Variants in FKTN observed in about 807,000 individuals in gnomAD.
FKTN encodes the protein ribitol-5-phosphate transferase FKTN.
FKTN carries 47 observed loss-of-function variants against 58.6 expected under a neutral mutation model. That is an observed-to-expected ratio of 0.80 (90% CI 0.63 to 1.02). The LOEUF (loss-of-function observed/expected upper bound fraction) is 1.02, where lower values mean the gene tolerates loss of function less well. FKTN is among the 50% of genes least tolerant of loss of function. The pLI is 0.00. For synonymous variants in FKTN, 178 were observed against 191.9 expected (o/e 0.93, Z 0.60); for missense variants, 516 against 537.3 (o/e 0.96, Z 0.39).
intron 10 of FKTN, among the ~76,000 whole-genome samples, chr9:105,630,687 T>C (rs969529319): frequency 1.3e-5 from 2 of 152,232 alleles, no homozygotes; most frequent in Non-Finnish European, 2.9e-5. Flanking sequence ...TAGAATTTTG[T>C]AGTGTGTACA....
intron 7 of FKTN, among the ~76,000 whole-genome samples, chr9:105,610,142 A>T: frequency 6.6e-6 from 1 of 151,506 alleles, no homozygotes; most frequent in East Asian, 1.9e-4. Context: ...ACACTTTAGT[A>T]CTTTTTGGCA....
At chr9:105,568,543 C>T (rs1160197495) in intron 1 of FKTN, among the ~76,000 whole-genome samples, 2 of 152,206 alleles carry the variant, frequency 1.3e-5, no homozygotes, top group Non-Finnish European at 2.9e-5. Flanking sequence ...AAAAAATGCT[C>T]ATCATCACTG....
At chr9:105,617,838 T>G (rs1265169018) in intron 8 of FKTN, 121 bp from the exon 9 acceptor site, 14 of 669,406 alleles carry the variant, frequency 2.1e-5, no homozygotes, top group East Asian at 2.8e-5. Context: ...CTGGGCAATA[T>G]AGTGAGACTC....
intron 7 of FKTN, among the ~76,000 whole-genome samples, chr9:105,609,688 G>A (rs1381584787): frequency 1.3e-4 from 20 of 152,124 alleles, no homozygotes; most frequent in Admixed American, 1.3e-3. Context: ...TTTGGGGTTT[G>A]TCCGGGGGTT....
intron 6 of FKTN, 78 bp downstream of exon 6, chr9:105,604,570 T>A: frequency 8.8e-7 from 1 of 1,131,810 alleles, no homozygotes; most frequent in Non-Finnish European, 1.3e-6. Flanking sequence ...TACATTTGAG[T>A]ATTGAAATCT....
chr9:105,561,621 A>G (rs540896981), intron 1 of FKTN, among the ~76,000 whole-genome samples: 2 of 152,334 alleles, frequency 1.3e-5, no homozygotes, highest in Admixed American at 1.3e-4. Context: ...CTATGTATTT[A>G]TGATTTTTCT....
chr9:105,578,542 CT>C (rs1328920342), intron 3 of FKTN, among the ~76,000 whole-genome samples: 1 of 146,614 alleles, frequency 6.8e-6, no homozygotes, highest in Non-Finnish European at 1.5e-5. Context: ...GGTGGATAAG[CT>C]TTTTGATGTG....
chr9:105,564,051 A>C lies in FKTN; in HGVS notation c.-181+5886A>C, dbSNP rs191029612. On this transcript the variant is annotated intron_variant, in intron 1 of 10. Coordinates refer to ENST00000357998, the MANE Select transcript of FKTN (RefSeq NM_001079802.2). ...CCCAGGCAAACAGGATCTGGAGTGGACCTCCAGCAAACTCCAACAGACCTG... is the reference window on the plus strand; with the variant it reads ...CCCAGGCAAACAGGATCTGGAGTGGCCCTCCAGCAAACTCCAACAGACCTG... 5.8e-3 allele frequency among the ~76,000 whole-genome samples: 879 copies of C among 152,282 alleles called. 13 individuals are homozygous for C. The highest frequency in any genetic ancestry group is 0.02 in the African/African-American group (828 of 41,570).
At chr9:105,607,097 T>A (rs1242977605) in intron 6 of FKTN, among the ~76,000 whole-genome samples, 1 of 152,090 alleles carries the variant, frequency 6.6e-6, no homozygotes, top group Non-Finnish European at 1.5e-5. Flanking sequence ...AATTGTGAGT[T>A]ACTTATTAAA....
At chr9:105,564,839 G>T (rs1159950861) in intron 1 of FKTN, among the ~76,000 whole-genome samples, 2 of 152,080 alleles carry the variant, frequency 1.3e-5, no homozygotes, top group South Asian at 4.2e-4. Flanking sequence ...TCCAAAACAC[G>T]TAATTGTCAG....
At chr9:105,609,996 T>G (rs1018067313) in intron 7 of FKTN, among the ~76,000 whole-genome samples, 9 of 152,244 alleles carry the variant, frequency 5.9e-5, no homozygotes, top group African/African-American at 1.9e-4. Flanking sequence ...ATTCATGGTT[T>G]CCTATTTTAC....
chr9:105,631,654 A>G (rs918787800), intron 10 of FKTN, among the ~76,000 whole-genome samples: 80 of 152,106 alleles, frequency 5.3e-4, no homozygotes, highest in African/African-American at 1.9e-3. Context: ...GCAGCCAAAA[A>G]ACACATGAAA....
In FKTN at chr9:105,639,162, G is replaced by A. The variant is rs1203085934; in HGVS notation, c.*3898G>A. 6.1e-6 allele frequency: 6 copies of A among 985,226 alleles called. No homozygotes were observed. Among genetic ancestry groups the A allele is most frequent in the Middle Eastern group, 5.2e-4 (1 of 1,936 alleles). 61.0% of individuals were successfully genotyped at this position (985,226 alleles called of 1,614,324 possible). ...ACCTTCTAACAGGTAATTATTAGTTGTAATAGCTTTAATGCATGGAAAAAC... is the reference window on the plus strand; with the variant it reads ...ACCTTCTAACAGGTAATTATTAGTTATAATAGCTTTAATGCATGGAAAAAC... On this transcript the variant is annotated 3_prime_UTR_variant, in exon 11 of 11. Coordinates refer to ENST00000357998, the MANE Select transcript of FKTN (RefSeq NM_001079802.2).
At chr9:105,594,994 T>G (rs1241576013) in intron 3 of FKTN, among the ~76,000 whole-genome samples, 1 of 152,210 alleles carries the variant, frequency 6.6e-6, no homozygotes, top group African/African-American at 2.4e-5. Flanking sequence ...CAATGGAATA[T>G]TAGCCATAAA....
intron 1 of FKTN, among the ~76,000 whole-genome samples, chr9:105,563,988 G>T (rs530074488): frequency 2.6e-5 from 4 of 152,364 alleles, no homozygotes; most frequent in African/African-American, 9.6e-5. Context: ...AACATTTGCT[G>T]TTCAGCAATA....
intron 1 of FKTN, among the ~76,000 whole-genome samples, chr9:105,561,713 AG>A (rs1207517561): frequency 6.6e-6 from 1 of 152,236 alleles, no homozygotes; most frequent in Non-Finnish European, 1.5e-5. Flanking sequence ...TATATTGCAA[AG>A]GATTAAGTGC....
At chr9:105,586,154 A>G (rs1843862598) in intron 3 of FKTN, among the ~76,000 whole-genome samples, 1 of 152,200 alleles carries the variant, frequency 6.6e-6, no homozygotes, top group Non-Finnish European at 1.5e-5. Flanking sequence ...TGGTTAGACA[A>G]GCCTAGCTTT....
intron 1 of FKTN, among the ~76,000 whole-genome samples, chr9:105,566,840 A>G (rs1195355639): frequency 6.7e-6 from 1 of 149,370 alleles, no homozygotes; most frequent in Admixed American, 6.7e-5. Flanking sequence ...GAGACATAAC[A>G]AAAAAAGAGA....
At chr9:105,560,388 C>T (rs1838065250) in intron 1 of FKTN, among the ~76,000 whole-genome samples, 1 of 152,144 alleles carries the variant, frequency 6.6e-6, no homozygotes, top group South Asian at 2.1e-4. Context: ...GTTCTTAGGA[C>T]CATACTTTTA....
Sources: gnomAD v4.1 joint callset for allele counts (sites outside exome capture counted in the v4.1 genomes callset) on GRCh38, gnomAD v4.1.1 for gene constraint, MANE v1.5 for transcripts, NCBI Gene and HGNC (gene_info 2026-07-23, HGNC 2026-07-21) for gene names.